NAV2: variants seen among roughly 807,000 people sequenced by gnomAD.
NAV2 encodes the protein neuron navigator 2, also known as helicase, APC down-regulated 1.
Under a neutral mutation model 223.2 loss-of-function variants are expected in NAV2, and 54 were observed. That is an observed-to-expected ratio of 0.24 (90% confidence interval 0.19 to 0.30). NAV2 has a LOEUF of 0.30. Among genes scored for constraint, NAV2 ranks in the 10% least tolerant of loss-of-function variants. The pLI, the probability that NAV2 is intolerant of heterozygous loss-of-function variation, is 1.00. For missense variants in NAV2, 2,806 were observed against 3,147.5 expected (o/e 0.89, Z 2.60); for synonymous variants, 1,279 against 1,239.3 (o/e 1.03, Z -0.67).
At chr11:19,951,122 T>C (rs2047361507) in intron 10 of NAV2, among the ~76,000 whole-genome samples, 1 of 152,138 alleles carries the variant, frequency 6.6e-6, no homozygotes, top group African/African-American at 2.4e-5. Context: ...TGACTGGCTT[T>C]GGGGAAAAAG....
chr11:19,732,385 G>T (rs1220490663), intron 1 of NAV2, among the ~76,000 whole-genome samples: 2 of 152,154 alleles, frequency 1.3e-5, no homozygotes, highest in Non-Finnish European at 2.9e-5. Flanking sequence ...CTGTAAAATG[G>T]AGCCTCACAG....
chr11:19,622,757 C>T (rs2047039405), intron 1 of NAV2, among the ~76,000 whole-genome samples: 1 of 152,154 alleles, frequency 6.6e-6, no homozygotes, highest in Non-Finnish European at 1.5e-5. Context: ...GCATTTAGCC[C>T]ATTTACATTT....
intron 26 of NAV2, among the ~76,000 whole-genome samples, chr11:20,088,228 A>G (rs71488730): frequency 0.017 from 2,536 of 152,306 alleles, 34 homozygotes; most frequent in Non-Finnish European, 0.026. Context: ...CCCAGGCTGT[A>G]GTGCAGTGGC....
intron 1 of NAV2, among the ~76,000 whole-genome samples, chr11:19,704,218 A>T (rs997641636): frequency 2.6e-5 from 4 of 152,144 alleles, no homozygotes; most frequent in African/African-American, 9.7e-5. Context: ...TATTATTAAG[A>T]CCATTGTCAT....
intron 1 of NAV2, among the ~76,000 whole-genome samples, chr11:19,602,992 A>G (rs2135258993): frequency 6.6e-6 from 1 of 152,312 alleles, no homozygotes; most frequent in African/African-American, 2.4e-5. Flanking sequence ...AAGTTGAGGG[A>G]ACAGCATGAG....
chr11:19,732,124 G>A (rs548269794), intron 1 of NAV2, among the ~76,000 whole-genome samples: 7 of 152,020 alleles, frequency 4.6e-5, no homozygotes, highest in African/African-American at 7.2e-5. Flanking sequence ...ATGGTGGCGC[G>A]CACTTGTAGT....
intron 1 of NAV2, among the ~76,000 whole-genome samples, chr11:19,831,803 T>C (rs544829963): frequency 6.6e-6 from 1 of 152,328 alleles, no homozygotes; most frequent in East Asian, 1.9e-4. Context: ...CCTTCTAAAA[T>C]GCTGCACACA....
chr11:19,517,559 A>G (rs1394952200), intron 1 of NAV2, among the ~76,000 whole-genome samples: 1 of 152,214 alleles, frequency 6.6e-6, no homozygotes, highest in Non-Finnish European at 1.5e-5. Flanking sequence ...TCAGCCCTGC[A>G]AAGAGGAGGT....
Position 19,816,417 on chromosome 11 carries a change from A to T in NAV2, c.268-16067A>T, listed in dbSNP as rs10833180. ...GGCTGGAGGGCCATGGCCATTTATG[A>T]GAATGTCAGATCTTCTCTAGTCCCT... is the stretch of plus-strand genomic sequence containing the variant. On this transcript the variant is annotated intron_variant, in intron 1 of 37. Transcript: ENST00000349880. Among the ~76,000 whole-genome samples the T allele has an allele frequency of 4.6e-3, 699 of 152,308 alleles. 11 individuals are homozygous for T. The highest frequency in any genetic ancestry group is 0.016 in the African/African-American group (658 of 41,540).
intron 1 of NAV2, among the ~76,000 whole-genome samples, chr11:19,383,334 G>A (rs1291654301): frequency 3.9e-5 from 6 of 152,208 alleles, no homozygotes; most frequent in Admixed American, 3.9e-4. Flanking sequence ...GAGCCATAAG[G>A]TGGCAGTAGC....
intron 1 of NAV2, among the ~76,000 whole-genome samples, chr11:19,521,745 A>G (rs918239864): frequency 2.6e-5 from 4 of 152,176 alleles, no homozygotes; most frequent in Non-Finnish European, 5.9e-5. Flanking sequence ...TCCATTTTCC[A>G]GATGAGGAAG....
intron 5 of NAV2, among the ~76,000 whole-genome samples, chr11:19,880,819 T>A (rs2063158058): frequency 6.6e-6 from 1 of 152,088 alleles, no homozygotes; most frequent in Non-Finnish European, 1.5e-5. Context: ...GGAAATAACA[T>A]CACCCTGTAA....
chr11:19,385,134 C>T (rs1021676769), intron 1 of NAV2: 7 of 152,152 alleles, frequency 4.6e-5, no homozygotes, highest in Non-Finnish European at 1.0e-4. Context: ...TGTAAGATAC[C>T]ATTTTATACT....
intron 1 of NAV2, among the ~76,000 whole-genome samples, chr11:19,813,696 C>T (rs182468029): frequency 1.4e-4 from 22 of 152,322 alleles, no homozygotes; most frequent in African/African-American, 9.6e-5. Flanking sequence ...AGGCTTCACA[C>T]GCTTCCACAG....
chr11:19,822,146 G>A (rs1385906304), intron 1 of NAV2, among the ~76,000 whole-genome samples: 11 of 152,192 alleles, frequency 7.2e-5, no homozygotes, highest in East Asian at 1.9e-4. Context: ...AGCCCTTGCC[G>A]TGTGTCAGGC....
chr11:19,934,308 G>A lies in NAV2; in HGVS notation c.2033+31G>A, dbSNP rs117645788. 1,031 of 1,526,970 alleles carry A rather than the reference G, an allele frequency of 6.8e-4. 13 individuals are homozygous for A. In the East Asian group the frequency reaches 0.02, roughly 29 times the overall value. 94.6% of individuals were successfully genotyped at this position (1,526,970 alleles called of 1,614,324 possible). A position where few individuals can be genotyped will look rare whatever the true frequency, so the allele number is the denominator to read the frequency against. On this transcript the variant is annotated intron_variant, in intron 7 of 37. Coordinates refer to ENST00000349880, the MANE Select transcript of NAV2 (RefSeq NM_145117.5). ...AGCTGCCACCCACCTGTGCTGCCTGGGACATTGGGTAAAAGTTCCTTTATA... is the reference window on the plus strand; with the variant it reads ...AGCTGCCACCCACCTGTGCTGCCTGAGACATTGGGTAAAAGTTCCTTTATA...
intron 6 of NAV2, among the ~76,000 whole-genome samples, chr11:19,924,479 T>A (rs1328287506): frequency 6.6e-6 from 1 of 152,196 alleles, no homozygotes; most frequent in East Asian, 1.9e-4. Flanking sequence ...CCTCTTCTGC[T>A]TCCTCTGGGG....
intron 10 of NAV2, among the ~76,000 whole-genome samples, chr11:19,951,153 A>G (rs148797575): frequency 1.1e-3 from 174 of 152,258 alleles, no homozygotes; most frequent in African/African-American, 4.0e-3. Context: ...TCTATGGCCT[A>G]CCTAGGGGCA....
At chr11:19,686,438 G>A (rs547227159) in intron 1 of NAV2, among the ~76,000 whole-genome samples, 6 of 152,180 alleles carry the variant, frequency 3.9e-5, no homozygotes, top group South Asian at 2.1e-4. Flanking sequence ...CCCTCAATCC[G>A]CCCATTGTGT....
Sources: allele counts gnomAD v4.1 joint callset (sites outside exome capture counted in the v4.1 genomes callset), GRCh38; gene constraint gnomAD v4.1.1; transcripts MANE v1.5; gene names NCBI Gene and HGNC (gene_info 2026-07-23, HGNC 2026-07-21).